GULP1: variants seen among roughly 807,000 people sequenced by gnomAD.
GULP1 encodes PTB domain-containing engulfment adapter protein 1.
A neutral mutation model predicts 40.9 loss-of-function variants in GULP1; 19 were observed. The ratio of observed to expected loss-of-function variants is 0.46; its 90% CI spans 0.32 to 0.68. The LOEUF (loss-of-function observed/expected upper bound fraction) is 0.68, where lower values mean the gene tolerates loss of function less well. GULP1 is among the 30% of genes least tolerant of loss of function. The probability of loss-of-function intolerance (pLI) is 0.03; values close to 1 mark genes in which losing one functional copy is unlikely to be tolerated. For synonymous variants in GULP1, 119 were observed against 117.6 expected (o/e 1.01, Z -0.08); for missense variants, 312 against 362.2 (o/e 0.86, Z 1.12).
rs1179352194 is a variant in GULP1 at position 188,352,616 on chromosome 2, T to TCACACACACACACACA, written c.-171-31146_-171-31145insACACACACACACACAC. On this transcript the variant is annotated intron_variant, in intron 1 of 11. Transcript: ENST00000409830. ...CTTGCTCTCTTTCTCTCTCTCTCTC[T>TCACACACACACACACA]CTCACACACACACACACACACACAC... is the stretch of plus-strand genomic sequence containing the variant. Among the ~76,000 whole-genome samples the TCACACACACACACACA allele has an allele frequency of 7.3e-3, 557 of 75,994 alleles. 5 individuals are homozygous for TCACACACACACACACA. Among genetic ancestry groups the TCACACACACACACACA allele is most frequent in the African/African-American group, 0.022 (493 of 22,668 alleles). The allele number at this position is 75,994 out of a possible 152,430, so 49.9% of individuals were successfully genotyped here. A position where few individuals can be genotyped will look rare whatever the true frequency, so the allele number is the denominator to read the frequency against.
intron 7 of GULP1, among the ~76,000 whole-genome samples, chr2:188,550,484 C>T (rs2153371171): frequency 1.9e-5 from 2 of 103,248 alleles, no homozygotes; most frequent in East Asian, 1.1e-3. Flanking sequence ...CTGAATGCTG[C>T]TTTTAATATA....
chr2:188,393,672 A>G (rs2050830104), intron 2 of GULP1, among the ~76,000 whole-genome samples: 1 of 152,038 alleles, frequency 6.6e-6, no homozygotes, highest in Non-Finnish European at 1.5e-5. Context: ...AAGCACCTTG[A>G]GTTTTATGCT....
At chr2:188,542,063 C>T (rs975654355) in intron 7 of GULP1, 7 of 151,486 alleles carry the variant, frequency 4.6e-5, no homozygotes, top group African/African-American at 1.5e-4. Context: ...GCCAAGATCG[C>T]GCCACTGAAT....
intron 6 of GULP1, among the ~76,000 whole-genome samples, chr2:188,537,929 T>C (rs1186747453): frequency 6.6e-6 from 1 of 152,096 alleles, no homozygotes; most frequent in African/African-American, 2.4e-5. Context: ...TCTGCGTTTC[T>C]ATAAATTTAT....
Position 188,344,627 on chromosome 2 carries a change from T to A in GULP1, c.-171-39136T>A, listed in dbSNP as rs116444407. Among the ~76,000 whole-genome samples the A allele has an allele frequency of 7.7e-3, 1,179 of 152,270 alleles. 19 individuals carry two copies. Among genetic ancestry groups the A allele is most frequent in the African/African-American group, 0.027 (1,132 of 41,560 alleles). Reference sequence around the variant, plus strand: ...AGACTGAGAGATGACGGGAGAGACATTTCCAGAATTGATTTCAGAACATGA... The same window carrying A: ...AGACTGAGAGATGACGGGAGAGACAATTCCAGAATTGATTTCAGAACATGA... On this transcript the variant is annotated intron_variant, in intron 1 of 11. Coordinates refer to ENST00000409830, the MANE Select transcript of GULP1 (RefSeq NM_016315.4).
At chr2:188,504,149 G>C (rs1219039072) in intron 4 of GULP1, among the ~76,000 whole-genome samples, 1 of 151,852 alleles carries the variant, frequency 6.6e-6, no homozygotes, top group Non-Finnish European at 1.5e-5. Context: ...CTGTACAGTA[G>C]AAGGAAATGT....
chr2:188,428,885 GT>G (rs766551176), intron 2 of GULP1, among the ~76,000 whole-genome samples: 40 of 146,434 alleles, frequency 2.7e-4, no homozygotes, highest in East Asian at 1.2e-3. Context: ...AAAAAAGTGT[GT>G]TTTTTTTTTA....
At chr2:188,302,975 C>T (rs1054076221) in intron 1 of GULP1, among the ~76,000 whole-genome samples, 2 of 152,174 alleles carry the variant, frequency 1.3e-5, no homozygotes, top group African/African-American at 4.8e-5. Context: ...TTTTCTTACT[C>T]ACTGCAAAAA....
At chr2:188,293,370 T>C (rs1464606344) in intron 1 of GULP1, among the ~76,000 whole-genome samples, 1 of 152,232 alleles carries the variant, frequency 6.6e-6, no homozygotes, top group Non-Finnish European at 1.5e-5. Flanking sequence ...TAAAATACGT[T>C]ACACCAACAT....
intron 2 of GULP1, chr2:188,384,202 A>G (rs1021297021): frequency 6.6e-6 from 1 of 152,302 alleles, no homozygotes; most frequent in Admixed American, 6.5e-5. Context: ...TGACTGGGAA[A>G]TTTACAAGAG....
At chr2:188,484,167 C>G (rs1476911317) in intron 4 of GULP1, among the ~76,000 whole-genome samples, 1 of 152,138 alleles carries the variant, frequency 6.6e-6, no homozygotes, top group African/African-American at 2.4e-5. Context: ...CTCAGCCCCC[C>G]AAAGTGCTGG....
At chr2:188,478,437 C>T (rs952345448) in intron 3 of GULP1, among the ~76,000 whole-genome samples, 2 of 152,042 alleles carry the variant, frequency 1.3e-5, no homozygotes, top group Non-Finnish European at 2.9e-5. Flanking sequence ...AAGGAGTTCT[C>T]TAGTGGAGAG....
intron 1 of GULP1, among the ~76,000 whole-genome samples, chr2:188,337,130 A>G (rs199985132): frequency 2.9e-5 from 3 of 103,848 alleles, no homozygotes; most frequent in Non-Finnish European, 6.3e-5. Flanking sequence ...CTATATCTAT[A>G]TCTATATCTA....
chr2:188,435,004 A>G (rs1000646098), intron 2 of GULP1, among the ~76,000 whole-genome samples: 2 of 152,038 alleles, frequency 1.3e-5, no homozygotes, highest in Non-Finnish European at 2.9e-5. Flanking sequence ...GTAGTGGCTT[A>G]CAATATCTTT....
chr2:188,324,323 A>G (rs543789772), intron 1 of GULP1, among the ~76,000 whole-genome samples: 1 of 152,230 alleles, frequency 6.6e-6, no homozygotes, highest in African/African-American at 2.4e-5. Flanking sequence ...ATGCCCCTGA[A>G]TCATTTTCCA....
intron 2 of GULP1, among the ~76,000 whole-genome samples, chr2:188,441,252 C>G (rs1470797604): frequency 6.6e-6 from 1 of 152,178 alleles, no homozygotes; most frequent in Non-Finnish European, 1.5e-5. Context: ...ATTTTCAAAT[C>G]TCCCAGCACA....
intron 1 of GULP1, among the ~76,000 whole-genome samples, chr2:188,326,576 A>G (rs1219769688): frequency 6.6e-6 from 1 of 152,120 alleles, no homozygotes; most frequent in Non-Finnish European, 1.5e-5. Flanking sequence ...AGCTAGTGGT[A>G]TAGCTGTGGT....
chr2:188,291,896 G>A lies in GULP1; in HGVS notation c.-442G>A, dbSNP rs755055902. 1 of 152,248 alleles carries A rather than the reference G, an allele frequency of 6.6e-6. No homozygotes were observed. Among genetic ancestry groups the A allele is most frequent in the Non-Finnish European group, 1.5e-5 (1 of 68,186 alleles). 9.4% of individuals were successfully genotyped at this position (152,248 alleles called of 1,614,324 possible). The stretch of plus-strand genomic sequence containing the variant: ...GGCGTTCCCGGCCGGGAGCGACCCG[G>A]AGTCCCCAGCCCCGCGTCCCAGCTG... On this transcript the variant is annotated 5_prime_UTR_variant, in exon 1 of 12. Transcript: ENST00000409830.
intron 7 of GULP1, among the ~76,000 whole-genome samples, chr2:188,563,093 G>A (rs1696734057): frequency 6.6e-6 from 1 of 152,020 alleles, no homozygotes; most frequent in South Asian, 2.1e-4. Context: ...AATCATTTTA[G>A]TCCTGACATA....
Sources: gnomAD v4.1 joint callset for allele counts (sites outside exome capture counted in the v4.1 genomes callset) on GRCh38, gnomAD v4.1.1 for gene constraint, MANE v1.5 for transcripts, NCBI Gene and HGNC (gene_info 2026-07-23, HGNC 2026-07-21) for gene names.